Variants in ENOX1 observed in about 807,000 individuals in gnomAD.
ENOX1 encodes the protein ecto-NOX disulfide-thiol exchanger 1.
Under a neutral mutation model 82.5 loss-of-function variants are expected in ENOX1, and 42 were observed. The observed-to-expected ratio is 0.51, with a 90% CI of 0.40 to 0.66. The LOEUF (loss-of-function observed/expected upper bound fraction) is 0.66. ENOX1 is among the 30% of genes least tolerant of loss of function. The pLI is 0.00. For missense variants in ENOX1, 608 were observed against 811.6 expected (o/e 0.75, Z 3.05); for synonymous variants, 271 against 282.2 (o/e 0.96, Z 0.40).
intron 14 of ENOX1, among the ~76,000 whole-genome samples, chr13:43,241,155 T>C (rs9567135): frequency 0.05 from 7,624 of 152,278 alleles, 260 homozygotes; most frequent in East Asian, 0.15. Flanking sequence ...TTTTGCTCCT[T>C]TCTTAAAAAG....
rs972966803 is a variant in ENOX1, at chr13:43,496,372, G to C, written c.-218-12220C>G. ...GTTTCAATAATTGCTCTAGCAATTGGCTCTTTTTCTTTTTCTATTTTTTTT... is the reference window on the plus strand; with the variant it reads ...GTTTCAATAATTGCTCTAGCAATTGCCTCTTTTTCTTTTTCTATTTTTTTT... On this transcript the variant is annotated intron_variant, in intron 2 of 16. Transcript: ENST00000690772. Among the ~76,000 whole-genome samples, 40 of 151,860 alleles carry C rather than the reference G, an allele frequency of 2.6e-4. 1 individual carries two copies. Among genetic ancestry groups the C allele is most frequent in the African/African-American group, 9.4e-4 (39 of 41,436 alleles).
chr13:43,250,495 CT>C (rs1326257831), intron 14 of ENOX1, among the ~76,000 whole-genome samples: 1 of 152,184 alleles, frequency 6.6e-6, no homozygotes, highest in Non-Finnish European at 1.5e-5. Flanking sequence ...GGTCCACTGA[CT>C]TTTTTTGCAT....
rs189928453 is a variant in ENOX1, at chr13:43,390,556, C to T, written c.208+21360G>A. ...CATTTTTCTGTCTCAGTTTCACCAT[C>T]TGTATTAAGAACTGAAAAACCTTTA... On this transcript the variant is annotated intron_variant, in intron 5 of 16. Transcript: ENST00000690772. Among the ~76,000 whole-genome samples the T allele has an allele frequency of 1.4e-3, 206 of 152,266 alleles. 1 individual carries two copies. Among genetic ancestry groups the T allele is most frequent in the African/African-American group, 4.8e-3 (199 of 41,556 alleles).
intron 2 of ENOX1, among the ~76,000 whole-genome samples, chr13:43,649,367 G>T (rs1428137674): frequency 6.6e-6 from 1 of 152,172 alleles, no homozygotes; most frequent in African/African-American, 2.4e-5. Context: ...TGGTTAGTTT[G>T]TTCTACAGAT....
At chr13:43,778,844 G>A (rs1952076622) in intron 1 of ENOX1, among the ~76,000 whole-genome samples, 1 of 152,190 alleles carries the variant, frequency 6.6e-6, no homozygotes. Context: ...GGGCAGGGCA[G>A]GGCAACAGGA....
chr13:43,478,352 C>G (rs994237582), intron 3 of ENOX1, among the ~76,000 whole-genome samples: 1 of 151,930 alleles, frequency 6.6e-6, no homozygotes, highest in Admixed American at 6.6e-5. Context: ...AACGTGTTCT[C>G]ATAAAGCTAA....
intron 12 of ENOX1, among the ~76,000 whole-genome samples, chr13:43,285,838 A>AT (rs1276436302): frequency 2.0e-5 from 3 of 146,416 alleles, no homozygotes; most frequent in East Asian, 4.2e-4. Context: ...AAAAAGAGGA[A>AT]TTCCCCCCTC....
intron 1 of ENOX1, among the ~76,000 whole-genome samples, chr13:43,727,277 C>A (rs2089042994): frequency 6.6e-6 from 1 of 152,134 alleles, no homozygotes; most frequent in Admixed American, 6.5e-5. Flanking sequence ...GAATAAGAGA[C>A]CAACATCTTC....
At chr13:43,291,893 A>G (rs921707775) in intron 12 of ENOX1, among the ~76,000 whole-genome samples, 1 of 152,174 alleles carries the variant, frequency 6.6e-6, no homozygotes, top group Non-Finnish European at 1.5e-5. Flanking sequence ...GGATCCCCAC[A>G]TCTCCTTAAA....
chr13:43,425,165 CTT>C (rs2055218028), intron 3 of ENOX1, among the ~76,000 whole-genome samples: 1 of 152,072 alleles, frequency 6.6e-6, no homozygotes, highest in South Asian at 2.1e-4. Flanking sequence ...GGTAAAAGGT[CTT>C]TATGTTCTAG....
At chr13:43,562,921 CACAAT>C (rs2153706041) in intron 2 of ENOX1, among the ~76,000 whole-genome samples, 1 of 152,136 alleles carries the variant, frequency 6.6e-6, no homozygotes, top group African/African-American at 2.4e-5. Context: ...AGAGACAGAC[CACAAT>C]ACAATAATCA....
At chr13:43,448,015 T>A (rs1221941953) in intron 3 of ENOX1, among the ~76,000 whole-genome samples, 1 of 152,232 alleles carries the variant, frequency 6.6e-6, no homozygotes, top group African/African-American at 2.4e-5. Flanking sequence ...CCACAATGGA[T>A]GTTTCAATTA....
chr13:43,532,086 TA>T (rs879785133), intron 2 of ENOX1, among the ~76,000 whole-genome samples: 1 of 151,612 alleles, frequency 6.6e-6, no homozygotes, highest in Non-Finnish European at 1.5e-5. Flanking sequence ...AAATAAAATT[TA>T]AAAAAAGAAA....
At chr13:43,360,168 A>C in intron 6 of ENOX1, 111 bp from the exon 7 acceptor site, 1 of 889,996 alleles carries the variant, frequency 1.1e-6, no homozygotes, top group Non-Finnish European at 1.6e-6. Context: ...GAGTGACGGT[A>C]AATTTCTATG....
chr13:43,710,363 T>C (rs1182617345), intron 1 of ENOX1, among the ~76,000 whole-genome samples: 1 of 152,184 alleles, frequency 6.6e-6, no homozygotes, highest in East Asian at 1.9e-4. Flanking sequence ...AAAAATCACT[T>C]GGTTATCTCA....
At position 43,745,113 on chromosome 13, in the gene ENOX1, C is replaced by T. The variant is rs144480794; in HGVS notation, c.-285+41539G>A. 3.4e-4 allele frequency among the ~76,000 whole-genome samples: 51 copies of T among 152,098 alleles called. No homozygotes were observed. In the East Asian group the frequency reaches 9.9e-3, roughly 29 times the overall value. ...GACAGTCTCTGGCCAGAAGGCTTCA[C>T]AAGAGTGGAGGAAGAAGATGATGGT... On this transcript the variant is annotated intron_variant, in intron 1 of 16. Transcript: ENST00000690772.
intron 15 of ENOX1, among the ~76,000 whole-genome samples, chr13:43,227,440 T>G (rs1042257384): frequency 3.3e-5 from 5 of 152,240 alleles, no homozygotes; most frequent in Non-Finnish European, 7.3e-5. Context: ...TGTTTAAAAA[T>G]TCTATTAGTC....
chr13:43,413,414 G>A (rs1202894776), intron 3 of ENOX1, among the ~76,000 whole-genome samples: 2 of 152,094 alleles, frequency 1.3e-5, no homozygotes, highest in African/African-American at 4.8e-5. Context: ...TTGGAAGATG[G>A]TCGTCTGTGG....
chr13:43,341,111 C>T (rs1221516660), intron 9 of ENOX1, among the ~76,000 whole-genome samples: 1 of 152,204 alleles, frequency 6.6e-6, no homozygotes, highest in East Asian at 1.9e-4. Flanking sequence ...TCCTGGCTAA[C>T]ATGGTGAAAC....
Sources: gnomAD v4.1 joint callset for allele counts (sites outside exome capture counted in the v4.1 genomes callset) on GRCh38, gnomAD v4.1.1 for gene constraint, MANE v1.5 for transcripts, NCBI Gene and HGNC (gene_info 2026-07-23, HGNC 2026-07-21) for gene names.